Variants in MBNL3 observed in about 807,000 individuals in gnomAD.
MBNL3 encodes muscleblind-like protein 3.
MBNL3 carries 6 observed loss-of-function variants against 24.5 expected under a neutral mutation model. That is an observed-to-expected ratio of 0.25 (90% confidence interval 0.13 to 0.48). The LOEUF (loss-of-function observed/expected upper bound fraction) is 0.48, where lower values mean the gene tolerates loss of function less well. Among genes scored for constraint, MBNL3 ranks in the 20% least tolerant of loss-of-function variants. The pLI is 0.99. For missense variants in MBNL3, 230 were observed against 293.5 expected, an observed-to-expected ratio of 0.78 and a Z score of 1.58; for synonymous variants, 100 against 101.7, an observed-to-expected ratio of 0.98 and a Z score of 0.10.
chrX:132,466,755 C>A (rs933522450), intron 1 of MBNL3, among the ~76,000 whole-genome samples: 4 of 111,604 alleles, frequency 3.6e-5, no homozygotes, highest in African/African-American at 1.3e-4. Context: ...AAAAACTGTT[C>A]AGCAAAAGGC....
intron 1 of MBNL3, among the ~76,000 whole-genome samples, chrX:132,466,052 T>C: frequency 8.9e-6 from 1 of 112,152 alleles, no homozygotes; most frequent in East Asian, 2.8e-4. Context: ...CAGCATTTCA[T>C]TTATTGGAAA....
At chrX:132,438,063 G>A (rs986273284) in intron 2 of MBNL3, 1 of 141,609 alleles carries the variant, frequency 7.1e-6, no homozygotes, top group Admixed American at 9.4e-5. Context: ...TGCTCCAAAA[G>A]CCTCAACTTT....
At chrX:132,380,592 C>G (rs753277457) in intron 8 of MBNL3, among the ~76,000 whole-genome samples, 2 of 111,212 alleles carry the variant, frequency 1.8e-5, no homozygotes, top group Admixed American at 9.6e-5. Flanking sequence ...AACTAGTTCA[C>G]GAGGGAACAG....
chrX:132,488,267 C>T, intron 1 of MBNL3, among the ~76,000 whole-genome samples: 1 of 111,301 alleles, frequency 9.0e-6, no homozygotes, highest in Non-Finnish European at 1.9e-5. Flanking sequence ...AGGTCTATTA[C>T]CCTAATTATG....
chrX:132,477,430 T>C (rs762210985), intron 1 of MBNL3, among the ~76,000 whole-genome samples: 3 of 112,090 alleles, frequency 2.7e-5, no homozygotes, highest in South Asian at 7.4e-4. Flanking sequence ...AGTCTCAAAG[T>C]TGAGGAAGCA....
intron 2 of MBNL3, among the ~76,000 whole-genome samples, chrX:132,424,753 C>T (rs1944145024): frequency 9.1e-6 from 1 of 109,521 alleles, no homozygotes; most frequent in South Asian, 3.9e-4. Flanking sequence ...TTTCTTCACC[C>T]ACTCCCTCTC....
At chrX:132,481,748 C>G (rs1947750724) in intron 1 of MBNL3, among the ~76,000 whole-genome samples, 1 of 111,552 alleles carries the variant, frequency 9.0e-6, no homozygotes, top group Non-Finnish European at 1.9e-5. Context: ...TCTAGCCTAT[C>G]CACTTTTCAA....
intron 1 of MBNL3, among the ~76,000 whole-genome samples, chrX:132,442,888 G>C (rs1276705404): frequency 2.7e-5 from 3 of 112,062 alleles, no homozygotes; most frequent in African/African-American, 9.7e-5. Context: ...GAAACTAAGT[G>C]CAACACTCAA....
intron 3 of MBNL3, among the ~76,000 whole-genome samples, chrX:132,396,073 C>T (rs1406812363): frequency 7.3e-5 from 8 of 109,065 alleles, no homozygotes; most frequent in Non-Finnish European, 1.5e-4. Context: ...ATAGGAAACT[C>T]TTATTCCAGT....
rs775444205 is a variant in MBNL3 at position 132,371,508 on chromosome X, A to G, written c.*8158T>C. 1 of 112,299 alleles carries G rather than the reference A, an allele frequency of 8.9e-6. No individual in the cohort carries two copies. The highest frequency in any genetic ancestry group is 1.9e-5 in the Non-Finnish European group (1 of 53,194). The allele number at this position is 112,299 out of a possible 1,213,427, so 9.3% of individuals were successfully genotyped here. On this transcript the variant is annotated 3_prime_UTR_variant, in exon 9 of 9. Coordinates refer to ENST00000370853, the MANE Select transcript of MBNL3 (RefSeq NM_001386889.1). ...ATTTTAAGTGAGAGAAAACATTTTA[A>G]TGGAAAAATTCATGCATCTCATTGT...
intron 1 of MBNL3, among the ~76,000 whole-genome samples, chrX:132,479,120 G>A (rs1171892750): frequency 9.0e-6 from 1 of 111,390 alleles, no homozygotes; most frequent in East Asian, 2.8e-4. Flanking sequence ...ATGGTGGTGG[G>A]TGCCCATAAT....
At chrX:132,456,720 A>G (rs1220655841) in intron 1 of MBNL3, among the ~76,000 whole-genome samples, 2 of 111,731 alleles carry the variant, frequency 1.8e-5, no homozygotes, top group Non-Finnish European at 3.8e-5. Context: ...AGTCATAAAC[A>G]CCAATAAAAA....
chrX:132,465,890 T>A (rs2148507029), intron 1 of MBNL3, among the ~76,000 whole-genome samples: 1 of 111,951 alleles, frequency 8.9e-6, no homozygotes, highest in South Asian at 3.7e-4. Context: ...TTGGAAGTAT[T>A]TTCACTGAGA....
At chrX:132,432,729 A>AT (rs1944840120) in intron 2 of MBNL3, 1 of 111,562 alleles carries the variant, frequency 9.0e-6, no homozygotes. Flanking sequence ...TATTTTGTTG[A>AT]TGTACTCATT....
At chrX:132,393,239 C>A (rs779892200) in intron 3 of MBNL3, among the ~76,000 whole-genome samples, 1 of 110,521 alleles carries the variant, frequency 9.0e-6, no homozygotes, top group Non-Finnish European at 1.9e-5. Flanking sequence ...ACTTGCCTAG[C>A]CTTGTCTTTA....
chrX:132,426,581 C>T (rs755095939), intron 2 of MBNL3, among the ~76,000 whole-genome samples: 6 of 111,410 alleles, frequency 5.4e-5, no homozygotes, highest in Non-Finnish European at 9.4e-5. Context: ...AGTTTTCCCC[C>T]TCTATCTTTG....
chrX:132,391,112 G>C, intron 4 of MBNL3, 29 bp from the exon 5 acceptor site: 7 of 1,090,212 alleles, frequency 6.4e-6, no homozygotes, highest in Non-Finnish European at 7.6e-6. Context: ...ACATACACAC[G>C]CATCACACTG....
At chrX:132,414,902 A>C (rs993925790) in intron 2 of MBNL3, among the ~76,000 whole-genome samples, 2 of 111,137 alleles carry the variant, frequency 1.8e-5, no homozygotes, top group Non-Finnish European at 3.8e-5. Flanking sequence ...CCCATCCCTG[A>C]TCTCCCAAAA....
At chrX:132,465,304 A>G (rs370926417) in intron 1 of MBNL3, among the ~76,000 whole-genome samples, 1 of 111,687 alleles carries the variant, frequency 9.0e-6, no homozygotes, top group Non-Finnish European at 1.9e-5. Flanking sequence ...AATAAATTGG[A>G]ATATTTGTTG....
Sources: gnomAD v4.1 joint callset for allele counts (sites outside exome capture counted in the v4.1 genomes callset) on GRCh38, gnomAD v4.1.1 for gene constraint, MANE v1.5 for transcripts, NCBI Gene and HGNC (gene_info 2026-07-23, HGNC 2026-07-21) for gene names.